Variants in ADAMTSL1 observed in about 807,000 individuals in gnomAD.
The protein encoded by ADAMTSL1 is ADAMTS like 1, also known as ADAMTS-like protein 1.
ADAMTSL1 carries 126 observed loss-of-function variants against 201.8 expected under a neutral mutation model. That is an observed-to-expected ratio of 0.62 (90% confidence interval 0.54 to 0.72). The LOEUF is 0.72. Among genes scored for constraint, ADAMTSL1 ranks in the 30% least tolerant of loss-of-function variants. The pLI, the probability that ADAMTSL1 is intolerant of heterozygous loss-of-function variation, is 0.00. For missense variants in ADAMTSL1, 2,679 were observed against 2,277.8 expected (o/e 1.18, Z -3.59); for synonymous variants, 1,121 against 903.4 (o/e 1.24, Z -4.32).
intron 1 of ADAMTSL1, among the ~76,000 whole-genome samples, chr9:17,952,675 C>T (rs535754582): frequency 6.6e-6 from 1 of 152,232 alleles, no homozygotes; most frequent in African/African-American, 2.4e-5. Flanking sequence ...ACCACCACGC[C>T]CAGCTAATTT....
At chr9:18,289,147 A>G (rs1010964724) in intron 2 of ADAMTSL1, among the ~76,000 whole-genome samples, 1 of 104,332 alleles carries the variant, frequency 9.6e-6, no homozygotes, top group Non-Finnish European at 1.9e-5. Context: ...CTATCTATCT[A>G]TCTATCTATC....
chr9:18,316,830 C>G (rs536213157), intron 2 of ADAMTSL1, among the ~76,000 whole-genome samples: 10 of 152,238 alleles, frequency 6.6e-5, no homozygotes, highest in African/African-American at 2.4e-4. Flanking sequence ...CTTTACAATC[C>G]ACGTTCTTCT....
At chr9:18,515,044 C>A (rs1190025832) in intron 2 of ADAMTSL1, among the ~76,000 whole-genome samples, 1 of 152,100 alleles carries the variant, frequency 6.6e-6, no homozygotes, top group African/African-American at 2.4e-5. Context: ...GTTTTTATTC[C>A]TCCTTCTGTT....
Position 18,304,952 on chromosome 9 carries a change from C to T in ADAMTSL1, c.207+140971C>T, listed in dbSNP as rs560043456. Among the ~76,000 whole-genome samples, 6 of 113,022 alleles carry T rather than the reference C, an allele frequency of 5.3e-5. No individual in the cohort carries two copies. The South Asian group carries it at 1.8e-3, about 33-fold the overall frequency. The allele number at this position is 113,022 out of a possible 152,430, so 74.1% of individuals were successfully genotyped here. A position where few individuals can be genotyped will look rare whatever the true frequency, so the allele number is the denominator to read the frequency against. ...ATAGGAACAGCTCCGATCTGCAGCT[C>T]CCAGCGTGATCTACACAGAAGGCAG... On this transcript the variant is annotated intron_variant, in intron 2 of 29. Transcript: ENST00000680146.
intron 26 of ADAMTSL1, among the ~76,000 whole-genome samples, chr9:18,905,113 A>G (rs1046667745): frequency 6.6e-6 from 1 of 152,174 alleles, no homozygotes; most frequent in African/African-American, 2.4e-5. Flanking sequence ...CTCTTGTTTT[A>G]CTGAAATAGC....
intron 23 of ADAMTSL1, among the ~76,000 whole-genome samples, chr9:18,834,253 A>G (rs1473771791): frequency 6.6e-6 from 1 of 152,204 alleles, no homozygotes. Flanking sequence ...TAGGAATAAC[A>G]TTGAATCTGT....
chr9:18,204,652 T>G (rs975572079), intron 2 of ADAMTSL1, among the ~76,000 whole-genome samples: 1 of 152,072 alleles, frequency 6.6e-6, no homozygotes, highest in African/African-American at 2.4e-5. Flanking sequence ...AACAAAAAAG[T>G]TCCTTCAATC....
At chr9:18,420,332 A>G (rs1023070725) in intron 2 of ADAMTSL1, among the ~76,000 whole-genome samples, 16 of 152,298 alleles carry the variant, frequency 1.1e-4, no homozygotes, top group Non-Finnish European at 2.1e-4. Flanking sequence ...ACTGATTATA[A>G]TAAGACCACT....
chr9:18,529,670 A>C (rs1355549271), intron 2 of ADAMTSL1, among the ~76,000 whole-genome samples: 2 of 152,218 alleles, frequency 1.3e-5, no homozygotes, highest in Non-Finnish European at 2.9e-5. Context: ...ATTTAATAGT[A>C]GAGACTAGTG....
In ADAMTSL1 at chr9:18,718,523, T is replaced by G. The variant is rs559407093; in HGVS notation, c.1877-3013T>G. The G allele has an allele frequency of 9.2e-4, 490 of 534,050 alleles. 2 individuals carry two copies. The highest frequency in any genetic ancestry group is 8.0e-3 in the African/African-American group (416 of 52,158). 33.1% of individuals were successfully genotyped at this position (534,050 alleles called of 1,614,324 possible). ...GCCAAGAATGACTAGCTTATACTCA[T>G]GCATGATGCAAACTTGTCGAAACCT... On this transcript the variant is annotated intron_variant, in intron 14 of 28. Coordinates refer to ENST00000380548, the MANE Select transcript of ADAMTSL1 (RefSeq NM_001040272.6).
chr9:18,831,989 G>A (rs1825009248), intron 23 of ADAMTSL1, among the ~76,000 whole-genome samples: 1 of 152,216 alleles, frequency 6.6e-6, no homozygotes, highest in South Asian at 2.1e-4. Flanking sequence ...TCAAGGTGAG[G>A]AAGATTCCAT....
intron 4 of ADAMTSL1, among the ~76,000 whole-genome samples, chr9:18,586,319 G>A (rs1823488649): frequency 6.6e-6 from 1 of 151,916 alleles, no homozygotes; most frequent in Non-Finnish European, 1.5e-5. Context: ...AGCCAAATCA[G>A]GAATGCAATT....
chr9:18,669,122 G>T lies in ADAMTSL1; in HGVS notation c.1086-6735G>T, dbSNP rs147903634. 3.7e-3 allele frequency among the ~76,000 whole-genome samples: 563 copies of T among 152,356 alleles called. 2 individuals are homozygous for T. The highest frequency in any genetic ancestry group is 9.7e-3 in the Admixed American group (148 of 15,306). On this transcript the variant is annotated intron_variant, in intron 9 of 28. Coordinates refer to ENST00000380548, the MANE Select transcript of ADAMTSL1 (RefSeq NM_001040272.6). ...TTCCAGCCCAACGTAGAACAGCACA[G>T]CCAGCACAGAACCATTAACCATAAC...
chr9:18,009,148 A>G (rs1563946672), intron 1 of ADAMTSL1, among the ~76,000 whole-genome samples: 2 of 151,950 alleles, frequency 1.3e-5, no homozygotes, highest in Non-Finnish European at 2.9e-5. Flanking sequence ...CATGCAGTTC[A>G]CTCATTCATT....
At chr9:18,884,752 T>C (rs921901430) in intron 23 of ADAMTSL1, among the ~76,000 whole-genome samples, 3 of 152,232 alleles carry the variant, frequency 2.0e-5, no homozygotes, top group Non-Finnish European at 4.4e-5. Flanking sequence ...TCTTTTGTTC[T>C]CTGTGTCTGT....
intron 23 of ADAMTSL1, among the ~76,000 whole-genome samples, chr9:18,836,140 C>T (rs969707496): frequency 1.3e-5 from 2 of 152,118 alleles, no homozygotes; most frequent in Non-Finnish European, 2.9e-5. Flanking sequence ...AAAAGCATTC[C>T]CTTTTCTCTG....
At chr9:18,680,186 T>C in intron 10 of ADAMTSL1, 126 bp from the exon 11 acceptor site, 1 of 979,234 alleles carries the variant, frequency 1.0e-6, no homozygotes, top group Non-Finnish European at 1.5e-6. Context: ...GGCTTTTGGT[T>C]TTCTGGACCT....
intron 2 of ADAMTSL1, among the ~76,000 whole-genome samples, chr9:18,425,185 C>G (rs1587160081): frequency 6.6e-6 from 1 of 152,102 alleles, no homozygotes; most frequent in South Asian, 2.1e-4. Context: ...TTCGTTTCCT[C>G]CCTCCCCCAC....
At chr9:18,900,052 T>C (rs1829912182) in intron 26 of ADAMTSL1, among the ~76,000 whole-genome samples, 2 of 151,962 alleles carry the variant, frequency 1.3e-5, no homozygotes, top group African/African-American at 4.8e-5. Flanking sequence ...CTGACAAAGG[T>C]CTAAATCCAG....
Sources: allele counts gnomAD v4.1 joint callset (sites outside exome capture counted in the v4.1 genomes callset), GRCh38; gene constraint gnomAD v4.1.1; transcripts MANE v1.5; gene names NCBI Gene and HGNC (gene_info 2026-07-23, HGNC 2026-07-21).